AMT: variants seen among roughly 807,000 people sequenced by gnomAD.
The protein encoded by AMT is aminomethyltransferase.
In AMT, 24 loss-of-function variants were observed where a neutral mutation model predicts 39.5. The ratio of observed to expected loss-of-function variants is 0.61; its 90% CI spans 0.44 to 0.86. The LOEUF is 0.86. Among genes scored for constraint, AMT ranks in the 40% least tolerant of loss-of-function variants. The probability of loss-of-function intolerance (pLI) is 0.00; values close to 1 mark genes in which losing one functional copy is unlikely to be tolerated. For synonymous variants in AMT, 210 were observed against 212.1 expected, an observed-to-expected ratio of 0.99 and a Z score of 0.09; for missense variants, 501 against 537.0, an observed-to-expected ratio of 0.93 and a Z score of 0.66.
In AMT at chr3:49,422,410, C is replaced by A. The variant is rs748551244; in HGVS notation, c.41G>T (p.Arg14Leu). ...CAAGGCCGGGGGGAATGCCTGCAGGCGAAAGCCCAGACGGGCCACCACACT... is the reference window on the plus strand; with the variant it reads ...CAAGGCCGGGGGGAATGCCTGCAGGAGAAAGCCCAGACGGGCCACCACACT... The part of the protein sequence containing the change: ...AVSVVARLGF[R>L]LQAFPPALCR... The change falls in exon 1 of 9, where the codon CGC (arginine) becomes CTC (leucine). Residue 14 changes from arginine to leucine, a missense_variant. Transcript: ENST00000273588. The A allele has an allele frequency of 1.9e-6, 3 of 1,613,510 alleles. No individual in the cohort carries two copies. Among genetic ancestry groups the A allele is most frequent in the Non-Finnish European group, 2.5e-6 (3 of 1,180,022 alleles).
At chr3:49,420,585 C>T in intron 3 of AMT, 1 of 531,238 alleles carries the variant, frequency 1.9e-6, no homozygotes, top group East Asian at 3.6e-5. Context: ...CTCTGCACCC[C>T]TCCCCACTCT....
rs2049022216 is a variant in AMT at position 49,417,697 on chromosome 3, GGGC to G, written c.1052_1054del (p.Cys351_Pro352delinsSer). Reference sequence around the variant, plus strand: ...CACATTCTTCTTCAGAGAGGGGGAGGGGCAGCCACTAGTCACAGTACCTGTCAA... The same window carrying G: ...CACATTCTTCTTCAGAGAGGGGGAGGAGCCACTAGTCACAGTACCTGTCAA... On this transcript the variant is annotated inframe_deletion, in exon 9 of 9. Coordinates refer to ENST00000273588, the MANE Select transcript of AMT (RefSeq NM_000481.4). 1 of 1,613,958 alleles carries G rather than the reference GGGC, an allele frequency of 6.2e-7. No homozygotes were observed.
At chr3:49,420,102 A>G in intron 4 of AMT, 109 bp downstream of exon 4, 3 of 1,445,152 alleles carry the variant, frequency 2.1e-6, no homozygotes. Flanking sequence ...TCATTCACTG[A>G]AAGAGCCATT....
In AMT at chr3:49,420,592, C is replaced by G. The variant is rs560976109; in HGVS notation, c.340-250G>C. 4.1e-3 allele frequency: 2,122 copies of G among 516,510 alleles called. 56 individuals are homozygous for G. Among genetic ancestry groups the G allele is most frequent in the South Asian group, 0.04 (2,051 of 51,270 alleles). The allele number at this position is 516,510 out of a possible 1,614,324, so 32.0% of individuals were successfully genotyped here. On this transcript the variant is annotated intron_variant, in intron 3 of 8. Coordinates refer to ENST00000273588, the MANE Select transcript of AMT (RefSeq NM_000481.4). Reference sequence around the variant, plus strand: ...GGTGCAACCTCTGCACCCCTCCCCACTCTGTACTGAGAGTCCCATCTGACA... The same window carrying G: ...GGTGCAACCTCTGCACCCCTCCCCAGTCTGTACTGAGAGTCCCATCTGACA...
In AMT at chr3:49,419,724, A is replaced by AGG; in HGVS notation, c.534_535dup (p.Leu179ProfsTer3). On this transcript the variant is annotated frameshift_variant, in exon 5 of 9. Coordinates refer to ENST00000273588, the MANE Select transcript of AMT (RefSeq NM_000481.4). LOFTEE classifies it high-confidence loss of function. ...AGCCCTCTCACCTTGCAGAGCTAGC[A>AGG]GGGCATTATCCAACACCTCCAGGCC... 6.2e-7 allele frequency: 1 copy of AGG among 1,614,162 alleles called. No homozygotes were observed. The highest frequency in any genetic ancestry group is 1.3e-5 in the African/African-American group (1 of 75,040).
intron 3 of AMT, 49 bp downstream of exon 3, chr3:49,421,443 G>C (rs1166127120): frequency 5.3e-6 from 8 of 1,508,304 alleles, no homozygotes; most frequent in Non-Finnish European, 7.4e-6. Flanking sequence ...CAGCCCATTT[G>C]CTGGCTCATG....
rs2049025668 is a variant in AMT, at chr3:49,417,854, G to GT, written c.996dup (p.His333ThrfsTer17). 1 of 1,613,964 alleles carries GT rather than the reference G, an allele frequency of 6.2e-7. No homozygotes were observed. Among genetic ancestry groups the GT allele is most frequent in the Non-Finnish European group, 8.5e-7 (1 of 1,180,028 alleles). On this transcript the variant is annotated frameshift_variant, in exon 8 of 9. Coordinates refer to ENST00000273588, the MANE Select transcript of AMT (RefSeq NM_000481.4). LOFTEE classifies it high-confidence loss of function. ...CCCTCCATGTTCAGGATGGGACTGTGTGCCCGCATGGGGGCCCCCTCACAC... is the reference window on the plus strand; with the variant it reads ...CCCTCCATGTTCAGGATGGGACTGTGTTGCCCGCATGGGGGCCCCCTCACAC...
At chr3:49,421,069 TA>T in intron 3 of AMT, 1 of 272,446 alleles carries the variant, frequency 3.7e-6, no homozygotes, top group South Asian at 3.8e-5. Flanking sequence ...CACGCCCGGC[TA>T]ATTTTTGTGT....
chr3:49,420,545 C>T (rs971355707), intron 3 of AMT: 3 of 666,622 alleles, frequency 4.5e-6, no homozygotes, highest in African/African-American at 1.8e-5. Context: ...CCCCTCCCTA[C>T]CTTGGGGTGC....
chr3:49,417,777 G>A (rs1009200275), intron 8 of AMT, 41 bp downstream of exon 8: 3 of 1,613,950 alleles, frequency 1.9e-6, no homozygotes, highest in South Asian at 1.1e-5. Flanking sequence ...CCACCCTCCT[G>A]GGAAGAGACA....
chr3:49,421,940 A>G (rs2049109782), intron 2 of AMT, 164 bp downstream of exon 2: 2 of 967,458 alleles, frequency 2.1e-6, no homozygotes, highest in Non-Finnish European at 1.6e-6. Flanking sequence ...CTCTGAGCTC[A>G]TTTCCTTGGG....
rs775112005 is a variant in AMT at position 49,422,408 on chromosome 3, G to A, written c.43C>T (p.Leu15=). 5.0e-6 allele frequency: 8 copies of A among 1,613,716 alleles called. No homozygotes were observed. The highest frequency in any genetic ancestry group is 6.8e-6 in the Non-Finnish European group (8 of 1,180,026). Residue 15 remains leucine (L), a synonymous_variant, in exon 1 of 9, where the codon CTG becomes TTG. Transcript: ENST00000273588. ...VSVVARLGFR[L]QAFPPALCRP... is the part of the protein sequence containing the mutation. ...CACAAGGCCGGGGGGAATGCCTGCA[G>A]GCGAAAGCCCAGACGGGCCACCACA...
chr3:49,421,725 C>T, intron 2 of AMT, 153 bp from the exon 3 acceptor site: 1 of 747,256 alleles, frequency 1.3e-6, no homozygotes, highest in Non-Finnish European at 2.3e-6. Flanking sequence ...CAAAGGACCA[C>T]CTTCTGATTT....
At chr3:49,420,475 G>C (rs1186041608) in intron 3 of AMT, 133 bp from the exon 4 acceptor site, 1 of 1,378,498 alleles carries the variant, frequency 7.3e-7, no homozygotes, top group Non-Finnish European at 1.0e-6. Context: ...GGGTGTGCAA[G>C]GTACAAGTCT....
chr3:49,420,317 T>G lies in AMT; in HGVS notation c.365A>C (p.Glu122Ala), dbSNP rs1454800412. Residue 122 changes from glutamate to alanine, a missense_variant, in exon 4 of 9, where the codon GAG becomes GCG. Physicochemically the swap from Glu to Ala is moderately radical, Grantham distance 107 (BLOSUM62 -1). Transcript: ENST00000273588. Reference protein sequence around the residue: ...NQGTLSLFTNEAGGILDDLIV... With the variant: ...NQGTLSLFTNAAGGILDDLIV... ...CAAGTCATCTAAGATGCCTCCAGCC[T>G]CGTTGGTAAACAGCGACAGTGTCCC... 1 of 1,614,156 alleles carries G rather than the reference T, an allele frequency of 6.2e-7. No individual in the cohort carries two copies. The highest frequency in any genetic ancestry group is 8.5e-7 in the Non-Finnish European group (1 of 1,180,024).
intron 3 of AMT, chr3:49,421,265 A>G (rs377267052): frequency 1.6e-5 from 9 of 573,008 alleles, no homozygotes; most frequent in East Asian, 3.0e-5. Flanking sequence ...AGAGCAGCAT[A>G]TTAACCTTGG....
At chr3:49,419,812 A>G (rs375288212) in intron 4 of AMT, 24 bp from the exon 5 acceptor site, 22 of 1,610,870 alleles carry the variant, frequency 1.4e-5, no homozygotes, top group Non-Finnish European at 1.7e-5. Flanking sequence ...ACACAAGAGC[A>G]TCTGGGGCCA....
At position 49,417,518 on chromosome 3, in the gene AMT, A is replaced by C. The variant is rs965120410; in HGVS notation, c.*22T>G. ...TGTAGGGGCAAAACTCCTGGAAGGG[A>C]CAGCCCCACCCTGAGCCAGCTTCAC... On this transcript the variant is annotated 3_prime_UTR_variant, in exon 9 of 9. Transcript: ENST00000273588. 1 of 1,613,998 alleles carries C rather than the reference A, an allele frequency of 6.2e-7. No homozygotes were observed. Among genetic ancestry groups the C allele is most frequent in the Non-Finnish European group, 8.5e-7 (1 of 1,180,018 alleles).
chr3:49,418,854 G>T, intron 7 of AMT, 117 bp downstream of exon 7: 2 of 1,131,934 alleles, frequency 1.8e-6, no homozygotes, highest in Non-Finnish European at 2.6e-6. Context: ...CTTCAGGGAA[G>T]GGAGGCTCAG....
Sources: allele counts gnomAD v4.1 joint callset, GRCh38; gene constraint gnomAD v4.1.1; transcripts MANE v1.5; gene names NCBI Gene and HGNC (gene_info 2026-07-23, HGNC 2026-07-21).